Variants in CREB1 observed in about 807,000 individuals in gnomAD.
CREB1 encodes the protein cAMP responsive element binding protein 1.
In CREB1, 2 loss-of-function variants were observed where a neutral mutation model predicts 42.0. The observed-to-expected ratio is 0.05, with a 90% CI of 0.02 to 0.15. The LOEUF is 0.15. Among genes scored for constraint, CREB1 ranks in the 10% least tolerant of loss-of-function variants. The pLI is 1.00. For synonymous variants in CREB1, 123 were observed against 139.9 expected, an observed-to-expected ratio of 0.88 and a Z score of 0.85; for missense variants, 199 against 388.9, an observed-to-expected ratio of 0.51 and a Z score of 4.11.
At chr2:207,542,708 A>G (rs2081143866) in intron 1 of CREB1, among the ~76,000 whole-genome samples, 1 of 152,056 alleles carries the variant, frequency 6.6e-6, no homozygotes, top group Non-Finnish European at 1.5e-5. Context: ...TTTTGGTGTT[A>G]TATTGTGTAT....
At chr2:207,554,657 A>T (rs1330625286) in intron 1 of CREB1, among the ~76,000 whole-genome samples, 1 of 152,212 alleles carries the variant, frequency 6.6e-6, no homozygotes, top group African/African-American at 2.4e-5. Context: ...ATCCAGTGTT[A>T]CATTACCCTA....
At chr2:207,542,150 C>T (rs577508796) in intron 1 of CREB1, among the ~76,000 whole-genome samples, 4 of 152,202 alleles carry the variant, frequency 2.6e-5, no homozygotes, top group Admixed American at 2.0e-4. Context: ...GTTGACTTGC[C>T]TTCATTTCTC....
intron 1 of CREB1, among the ~76,000 whole-genome samples, chr2:207,536,133 T>C (rs1292414634): frequency 6.6e-6 from 1 of 152,236 alleles, no homozygotes; most frequent in Non-Finnish European, 1.5e-5. Context: ...ATTTTAAATA[T>C]ACATGCTGTT....
chr2:207,566,318 C>G (rs777419404), intron 3 of CREB1, among the ~76,000 whole-genome samples: 1 of 152,174 alleles, frequency 6.6e-6, no homozygotes, highest in African/African-American at 2.4e-5. Flanking sequence ...CATTGCCATA[C>G]GTTTTGACGT....
chr2:207,564,710 A>G (rs752490465), intron 3 of CREB1, among the ~76,000 whole-genome samples: 1 of 152,176 alleles, frequency 6.6e-6, no homozygotes, highest in Admixed American at 6.5e-5. Flanking sequence ...CACCTTTCCA[A>G]TATAAACAGG....
chr2:207,585,637 A>T (rs1451305804), intron 7 of CREB1, among the ~76,000 whole-genome samples: 1 of 152,224 alleles, frequency 6.6e-6, no homozygotes, highest in Admixed American at 6.5e-5. Context: ...ATCTTAAGAA[A>T]ACTCAGCAAG....
chr2:207,593,960 C>T (rs1415860894), intron 7 of CREB1, among the ~76,000 whole-genome samples: 1 of 152,106 alleles, frequency 6.6e-6, no homozygotes, highest in Non-Finnish European at 1.5e-5. Flanking sequence ...CTCAAGTGAT[C>T]TGCCTGCCTC....
chr2:207,532,272 G>T (rs2080668873), intron 1 of CREB1, among the ~76,000 whole-genome samples: 1 of 150,854 alleles, frequency 6.6e-6, no homozygotes, highest in Non-Finnish European at 1.5e-5. Context: ...GCAGTGAATT[G>T]AGATCGTGCC....
chr2:207,537,330 G>T (rs1184423703), intron 1 of CREB1, among the ~76,000 whole-genome samples: 3 of 152,062 alleles, frequency 2.0e-5, no homozygotes, highest in Non-Finnish European at 2.9e-5. Flanking sequence ...GAGCCACTGC[G>T]CCTGGCCTAC....
chr2:207,595,925 T>C (rs764502799), intron 7 of CREB1, among the ~76,000 whole-genome samples: 5 of 152,238 alleles, frequency 3.3e-5, no homozygotes, highest in Non-Finnish European at 5.9e-5. Context: ...CTTCTCATTC[T>C]GTAGGTTGCC....
At chr2:207,549,842 C>T (rs1012317703) in intron 1 of CREB1, among the ~76,000 whole-genome samples, 4 of 152,000 alleles carry the variant, frequency 2.6e-5, no homozygotes, top group Admixed American at 2.0e-4. Context: ...AATTGGCACA[C>T]ACCTGTAGTC....
rs1268325216 is a variant in CREB1, at chr2:207,604,083, G to C, written c.*7025G>C. On this transcript the variant is annotated 3_prime_UTR_variant, in exon 8 of 8. Transcript: ENST00000353267. ...TTTGAGAGTGATATTAATTACATGA[G>C]GGACAATAGGCATGAACTAGGATTG... Among the ~76,000 whole-genome samples the C allele has an allele frequency of 6.6e-6, 1 of 152,128 alleles. No individual in the cohort carries two copies. Among genetic ancestry groups the C allele is most frequent in the Non-Finnish European group, 1.5e-5 (1 of 68,032 alleles).
intron 3 of CREB1, among the ~76,000 whole-genome samples, chr2:207,566,386 C>T (rs904322220): frequency 2.0e-5 from 3 of 152,148 alleles, no homozygotes; most frequent in African/African-American, 7.2e-5. Context: ...ACTCTGACCG[C>T]ATAATGTGCC....
At chr2:207,557,031 A>G (rs1434784645) in intron 2 of CREB1, among the ~76,000 whole-genome samples, 2 of 152,144 alleles carry the variant, frequency 1.3e-5, no homozygotes, top group Non-Finnish European at 2.9e-5. Context: ...CAGCGACCTT[A>G]GAAGGCTGAG....
intron 1 of CREB1, among the ~76,000 whole-genome samples, chr2:207,544,788 T>G (rs1406675736): frequency 2.0e-5 from 3 of 152,110 alleles, no homozygotes; most frequent in African/African-American, 7.2e-5. Flanking sequence ...GTTCTCATCA[T>G]GTACCTCCCA....
chr2:207,530,262 C>T (rs557061644), intron 1 of CREB1, 128 bp downstream of exon 1: 2 of 152,202 alleles, frequency 1.3e-5, no homozygotes, highest in South Asian at 2.1e-4. Context: ...AAGATGGAGC[C>T]TCCGCCCGAG....
At chr2:207,562,999 A>G (rs2082011249) in intron 3 of CREB1, among the ~76,000 whole-genome samples, 1 of 152,228 alleles carries the variant, frequency 6.6e-6, no homozygotes, top group South Asian at 2.1e-4. Context: ...ACAGACTATG[A>G]AAAAATAAAT....
intron 7 of CREB1, among the ~76,000 whole-genome samples, chr2:207,592,528 T>C (rs1163424122): frequency 1.3e-5 from 2 of 152,230 alleles, no homozygotes; most frequent in Non-Finnish European, 2.9e-5. Context: ...AAATATAATA[T>C]GCCTAGGGAT....
intron 1 of CREB1, among the ~76,000 whole-genome samples, chr2:207,541,750 A>G (rs1255352706): frequency 6.6e-6 from 1 of 152,214 alleles, no homozygotes; most frequent in African/African-American, 2.4e-5. Context: ...AGTGGTTTTC[A>G]GTATATTCAC....
Sources: allele counts gnomAD v4.1 joint callset (sites outside exome capture counted in the v4.1 genomes callset), GRCh38; gene constraint gnomAD v4.1.1; transcripts MANE v1.5; gene names NCBI Gene and HGNC (gene_info 2026-07-23, HGNC 2026-07-21).